Variants in TSEN15 observed in about 807,000 individuals in gnomAD.
TSEN15 encodes the protein tRNA-splicing endonuclease subunit Sen15.
In TSEN15, 10 loss-of-function variants were observed where a neutral mutation model predicts 20.5. The ratio of observed to expected loss-of-function variants is 0.49; its 90% CI spans 0.30 to 0.83. TSEN15 has a LOEUF of 0.83. Among genes scored for constraint, TSEN15 ranks in the 40% least tolerant of loss-of-function variants. The pLI is 0.06. For synonymous variants in TSEN15, 72 were observed against 80.1 expected (o/e 0.90, Z 0.54); for missense variants, 180 against 218.6 (o/e 0.82, Z 1.11).
At chr1:184,052,031 C>A in intron 1 of TSEN15, 141 bp downstream of exon 1, 1 of 903,412 alleles carries the variant, frequency 1.1e-6, no homozygotes, top group Non-Finnish European at 1.5e-6. Flanking sequence ...GTGTGCACAA[C>A]TGCCAGCCTC....
intron 3 of TSEN15, among the ~76,000 whole-genome samples, chr1:184,087,989 T>C (rs1323983764): frequency 6.6e-6 from 1 of 152,176 alleles, no homozygotes; most frequent in Non-Finnish European, 1.5e-5. Context: ...CCTAAGCTCC[T>C]GGTGGAACCA....
intron 3 of TSEN15, among the ~76,000 whole-genome samples, chr1:184,065,071 T>G (rs1487074012): frequency 1.3e-5 from 2 of 152,144 alleles, no homozygotes; most frequent in Non-Finnish European, 2.9e-5. Flanking sequence ...CAAAAAGAAA[T>G]CTTGATTTGC....
intron 3 of TSEN15, among the ~76,000 whole-genome samples, chr1:184,091,801 G>C (rs1418559451): frequency 1.3e-5 from 2 of 152,160 alleles, no homozygotes; most frequent in African/African-American, 4.8e-5. Context: ...ACCTGCAATG[G>C]GCTGTTTTAT....
chr1:184,083,773 A>G (rs1303921536), intron 3 of TSEN15, among the ~76,000 whole-genome samples: 1 of 152,140 alleles, frequency 6.6e-6, no homozygotes, highest in Non-Finnish European at 1.5e-5. Flanking sequence ...TTGGACCATA[A>G]TGTTCCACTC....
At chr1:184,078,086 T>G (rs181785985), downstream of TSEN15, among the ~76,000 whole-genome samples, 198 of 152,196 alleles carry the variant, frequency 1.3e-3, 1 homozygote, top group African/African-American at 4.6e-3. Flanking sequence ...AGTCAATGAT[T>G]TTGGCAAATT....
At chr1:184,077,818 T>C (rs1476498809), downstream of TSEN15, among the ~76,000 whole-genome samples, 1 of 152,238 alleles carries the variant, frequency 6.6e-6, no homozygotes, top group Non-Finnish European at 1.5e-5. Context: ...TGGATTGTTA[T>C]AATTTCATGA....
At chr1:184,082,859 G>T (rs977307740) in intron 3 of TSEN15, among the ~76,000 whole-genome samples, 3 of 152,120 alleles carry the variant, frequency 2.0e-5, no homozygotes, top group Non-Finnish European at 4.4e-5. Flanking sequence ...GCATAATCCT[G>T]TTCCTGAGGC....
chr1:184,077,797 G>A (rs1043923547), downstream of TSEN15, among the ~76,000 whole-genome samples: 1 of 152,216 alleles, frequency 6.6e-6, no homozygotes, highest in Admixed American at 6.5e-5. Context: ...AGTGAAGCTT[G>A]AAGATGTAAA....
At chr1:184,070,040 T>G (rs185184467) in intron 3 of TSEN15, among the ~76,000 whole-genome samples, 10 of 152,172 alleles carry the variant, frequency 6.6e-5, no homozygotes, top group Middle Eastern at 3.4e-3. Flanking sequence ...TTTACAACTC[T>G]GAGTTAGTTT....
intron 3 of TSEN15, among the ~76,000 whole-genome samples, chr1:184,068,924 A>G (rs1304456649): frequency 6.6e-6 from 1 of 152,212 alleles, no homozygotes; most frequent in Non-Finnish European, 1.5e-5. Context: ...CCCATGATAC[A>G]TTCTATTTCA....
At position 184,058,213 on chromosome 1, in the gene TSEN15, A is replaced by G. The variant is rs1457147631; in HGVS notation, c.353+3350A>G. The G allele has an allele frequency of 7.0e-6, 3 of 431,432 alleles. No individual in the cohort carries two copies. The East Asian group carries it at 2.2e-4, about 31-fold the overall frequency. The allele number at this position is 431,432 out of a possible 1,614,324, so 26.7% of individuals were successfully genotyped here. The stretch of plus-strand genomic sequence containing the variant: ...ATGGCTAAAGCTTGTTTTCTTCTTC[A>G]AGTAGAATTAGTTGGAATGATAACT... On this transcript the variant is annotated intron_variant, in intron 3 of 4. Transcript: ENST00000645668.
chr1:184,052,545 G>A (rs1003465079), intron 1 of TSEN15, among the ~76,000 whole-genome samples: 3 of 152,084 alleles, frequency 2.0e-5, no homozygotes, highest in African/African-American at 7.2e-5. Context: ...AGTGAATGGA[G>A]ATGTGGGTTT....
chr1:184,051,884 C>A lies in TSEN15; in HGVS notation c.129C>A (p.His43Gln). The A allele has an allele frequency of 6.5e-7, 1 of 1,549,862 alleles. No individual in the cohort carries two copies. ...CTGAGGACGCCTGGATGGGCACTCA[C>A]CCTAAGGTCAGGAGGCGCGAGAGGA... ...WAPEDAWMGT[H>Q]PKYLEMMELD... The change falls in exon 1 of 5, where the codon CAC (histidine) becomes CAA (glutamine). Residue 43 changes from histidine (H) to glutamine (Q), a missense_variant. His to Gln is a conservative substitution (Grantham distance 24). Around this residue, in one of 3 missense-constraint regions of TSEN15, gnomAD observed 76 missense variants for 66.5 expected, o/e 1.14. Coordinates refer to ENST00000645668, the MANE Select transcript of TSEN15 (RefSeq NM_052965.4).
At chr1:184,084,151 C>G (rs1651218101) in intron 3 of TSEN15, among the ~76,000 whole-genome samples, 1 of 152,048 alleles carries the variant, frequency 6.6e-6, no homozygotes, top group Admixed American at 6.5e-5. Flanking sequence ...GTTTTCCTCA[C>G]ACATTGAAAT....
chr1:184,065,215 TA>T (rs1310658337), intron 3 of TSEN15, among the ~76,000 whole-genome samples: 1 of 151,968 alleles, frequency 6.6e-6, no homozygotes, highest in East Asian at 1.9e-4. Flanking sequence ...CTTTATTTTT[TA>T]GACCAATTTT....
At chr1:184,086,931 A>G (rs539753648) in intron 3 of TSEN15, among the ~76,000 whole-genome samples, 4 of 152,312 alleles carry the variant, frequency 2.6e-5, no homozygotes, top group African/African-American at 4.8e-5. Context: ...GGGGAGTATC[A>G]AAAGGATTTA....
intron 3 of TSEN15, among the ~76,000 whole-genome samples, chr1:184,092,048 G>T (rs1156383405): frequency 1.3e-5 from 2 of 152,186 alleles, no homozygotes; most frequent in African/African-American, 4.8e-5. Context: ...AGAGCATTTG[G>T]TAAATCTGTT....
chr1:184,076,660 C>T (rs1433213685), downstream of TSEN15, among the ~76,000 whole-genome samples: 2 of 152,040 alleles, frequency 1.3e-5, no homozygotes, highest in African/African-American at 4.8e-5. Context: ...GTTGTGAATG[C>T]AAATGAAAAG....
In TSEN15 at chr1:184,051,823, G is replaced by A. The variant is rs1187483757; in HGVS notation, c.68G>A (p.Gly23Asp). 1.3e-6 allele frequency: 2 copies of A among 1,545,408 alleles called. No individual in the cohort carries two copies. The highest frequency in any genetic ancestry group is 1.7e-6 in the Non-Finnish European group (2 of 1,145,556). The change falls in exon 1 of 5, where the codon GGC (glycine) becomes GAC (aspartate). Residue 23 changes from glycine to aspartate, a missense_variant. Physicochemically the swap from Gly to Asp is moderately conservative, Grantham distance 94 (BLOSUM62 -1). Transcript: ENST00000645668. ...CSGLGPGGVR[G>D]FGDGGGAPSW... The stretch of plus-strand genomic sequence containing the variant: ...GGCCTGGGTCCGGGCGGTGTTCGCG[G>A]CTTTGGCGACGGCGGTGGAGCTCCT...
Sources: allele counts gnomAD v4.1 joint callset (sites outside exome capture counted in the v4.1 genomes callset), GRCh38; gene constraint gnomAD v4.1.1; regional missense constraint gnomAD v4.1.1; transcripts MANE v1.5; gene names NCBI Gene and HGNC (gene_info 2026-07-23, HGNC 2026-07-21).